Variants in GAB1 observed in about 807,000 individuals in gnomAD.
GAB1 encodes the protein GRB2-associated-binding protein 1.
Under a neutral mutation model 66.5 loss-of-function variants are expected in GAB1, and 19 were observed. That is an observed-to-expected ratio of 0.29 (90% CI 0.20 to 0.42). GAB1 has a LOEUF of 0.42. GAB1 is among the 10% of genes least tolerant of loss of function. The pLI, the probability that GAB1 is intolerant of heterozygous loss-of-function variation, is 1.00. For synonymous variants in GAB1, 294 were observed against 301.4 expected (o/e 0.98, Z 0.25); for missense variants, 732 against 858.5 (o/e 0.85, Z 1.84).
chr4:143,419,998 G>A lies in GAB1; in HGVS notation c.367+4227G>A, dbSNP rs182836072. Among the ~76,000 whole-genome samples, 10 of 152,208 alleles carry A rather than the reference G, an allele frequency of 6.6e-5. No homozygotes were observed. The East Asian group carries it at 1.7e-3, about 26-fold the overall frequency. On this transcript the variant is annotated intron_variant, in intron 2 of 9. Transcript: ENST00000262994. ...TAGCAGAATACTGCTATTATCCTTTGTAATCATATTCATACAGTTTAATAT... is the reference window on the plus strand; with the variant it reads ...TAGCAGAATACTGCTATTATCCTTTATAATCATATTCATACAGTTTAATAT...
At chr4:143,425,058 A>G in intron 2 of GAB1, 1 of 876,276 alleles carries the variant, frequency 1.1e-6, no homozygotes, top group Non-Finnish European at 1.9e-6. Context: ...CACAATGTCC[A>G]GAGCCCTTGA....
chr4:143,418,814 G>C (rs929866378), intron 2 of GAB1, among the ~76,000 whole-genome samples: 2 of 152,140 alleles, frequency 1.3e-5, no homozygotes, highest in African/African-American at 4.8e-5. Context: ...GTAGGGTTGA[G>C]AACCCAAAAT....
In GAB1 at chr4:143,438,229, C is replaced by T. The variant is rs758018493; in HGVS notation, c.824C>T (p.Pro275Leu). 1 of 1,614,088 alleles carries T rather than the reference C, an allele frequency of 6.2e-7. No individual in the cohort carries two copies. Among genetic ancestry groups the T allele is most frequent in the Non-Finnish European group, 8.5e-7 (1 of 1,180,026 alleles). ...CATGATGTTTTACCAAAGGTGTCTC[C>T]ATCAAGTACTGAAGCAGATGGAGAA... ...YSHDVLPKVS[P>L]SSTEADGELY... The change falls in exon 4 of 10, where the codon CCA becomes CTA. Residue 275 changes from proline to leucine, a missense_variant. Around this residue, in one of 4 missense-constraint regions of GAB1, gnomAD observed 427 missense variants for 420.6 expected, o/e 1.02. Coordinates refer to ENST00000262994, the MANE Select transcript of GAB1 (RefSeq NM_002039.4).
At chr4:143,388,319 A>G (rs1437678445) in intron 1 of GAB1, among the ~76,000 whole-genome samples, 2 of 152,142 alleles carry the variant, frequency 1.3e-5, no homozygotes, top group Non-Finnish European at 2.9e-5. Flanking sequence ...CAGTGTTGCA[A>G]TGATGGTGTC....
rs28989219 is a variant in GAB1, at chr4:143,365,591, T to C, written c.72+28331T>C. Among the ~76,000 whole-genome samples the C allele has an allele frequency of 9.1e-3, 1,387 of 152,308 alleles. 21 individuals carry two copies. The highest frequency in any genetic ancestry group is 0.032 in the African/African-American group (1,326 of 41,556). The stretch of plus-strand genomic sequence containing the variant: ...TTTTTCACCTGTGTATCCCCCAATC[T>C]CTGATCTTGAAGGGGCCTGCCTCCT... On this transcript the variant is annotated intron_variant, in intron 1 of 9. Transcript: ENST00000262994.
At chr4:143,433,099 T>C (rs1733761443) in intron 2 of GAB1, among the ~76,000 whole-genome samples, 1 of 152,178 alleles carries the variant, frequency 6.6e-6, no homozygotes, top group East Asian at 1.9e-4. Flanking sequence ...TGGTAAATAC[T>C]ATGTAATTAA....
chr4:143,400,002 A>G (rs1199169116), intron 1 of GAB1, among the ~76,000 whole-genome samples: 2 of 149,194 alleles, frequency 1.3e-5, no homozygotes, highest in East Asian at 2.0e-4. Context: ...GCAGTGGCGC[A>G]ATCTTGGCTC....
intron 6 of GAB1, among the ~76,000 whole-genome samples, chr4:143,442,067 A>G (rs1734275923): frequency 6.6e-6 from 1 of 152,162 alleles, no homozygotes; most frequent in Admixed American, 6.5e-5. Flanking sequence ...CTCTAAATCT[A>G]TTTTAGACAA....
rs554573401 is a variant in GAB1 at position 143,388,439 on chromosome 4, G to A, written c.73-27038G>A. Among the ~76,000 whole-genome samples the A allele has an allele frequency of 1.2e-4, 19 of 152,310 alleles. No individual in the cohort carries two copies. The South Asian group carries it at 1.9e-3, about 15-fold the overall frequency. On this transcript the variant is annotated intron_variant, in intron 1 of 9. Coordinates refer to ENST00000262994, the MANE Select transcript of GAB1 (RefSeq NM_002039.4). Reference sequence around the variant, plus strand: ...GAGGTTTTTTTGTGTGTGCGAGACAGAGTCTCGCTCTGTCGCCCAGGCTGG... The same window carrying A: ...GAGGTTTTTTTGTGTGTGCGAGACAAAGTCTCGCTCTGTCGCCCAGGCTGG...
At chr4:143,443,886 A>G (rs1224911477) in intron 6 of GAB1, among the ~76,000 whole-genome samples, 1 of 152,186 alleles carries the variant, frequency 6.6e-6, no homozygotes, top group African/African-American at 2.4e-5. Flanking sequence ...AAATACATAG[A>G]TGTTCTGAAC....
chr4:143,437,748 G>A (rs1400350987), intron 3 of GAB1, among the ~76,000 whole-genome samples: 1 of 152,138 alleles, frequency 6.6e-6, no homozygotes, highest in African/African-American at 2.4e-5. Context: ...TTTAATAGGT[G>A]GAGTTGGGGG....
At chr4:143,417,839 A>T (rs954074121) in intron 2 of GAB1, among the ~76,000 whole-genome samples, 2 of 152,228 alleles carry the variant, frequency 1.3e-5, no homozygotes, top group Non-Finnish European at 2.9e-5. Context: ...AATAAAGGTG[A>T]ACTGTGGTCT....
chr4:143,467,876 A>C (rs1735873831), intron 9 of GAB1, among the ~76,000 whole-genome samples: 1 of 152,150 alleles, frequency 6.6e-6, no homozygotes. Flanking sequence ...TTAGAAGCTC[A>C]CCACTCCCTC....
chr4:143,387,539 G>A, intron 1 of GAB1, among the ~76,000 whole-genome samples: 1 of 152,222 alleles, frequency 6.6e-6, no homozygotes, highest in East Asian at 1.9e-4. Flanking sequence ...ACTGACGTGA[G>A]CTTCCATCTT....
chr4:143,337,070 G>A lies in GAB1; in HGVS notation c.-119G>A. On this transcript the variant is annotated 5_prime_UTR_variant, in exon 1 of 10. Coordinates refer to ENST00000262994, the MANE Select transcript of GAB1 (RefSeq NM_002039.4). ...TGGAGTCTGTCCGCCCAGTCCGTCC[G>A]GGGTGCGCGACCAGGAGAGCTAGGT... 2.4e-6 allele frequency: 2 copies of A among 823,184 alleles called. No individual in the cohort carries two copies. The highest frequency in any genetic ancestry group is 3.8e-6 in the Non-Finnish European group (2 of 522,442). The allele number at this position is 823,184 out of a possible 1,614,324, so 51.0% of individuals were successfully genotyped here. A position where few individuals can be genotyped will look rare whatever the true frequency, so the allele number is the denominator to read the frequency against.
At chr4:143,389,804 T>C (rs1349747408) in intron 1 of GAB1, among the ~76,000 whole-genome samples, 1 of 152,228 alleles carries the variant, frequency 6.6e-6, no homozygotes, top group Non-Finnish European at 1.5e-5. Flanking sequence ...AAGAGCTTTT[T>C]GGAAGATGAA....
chr4:143,470,922 A>G lies in GAB1; in HGVS notation c.*1733A>G, dbSNP rs1276983644. The G allele has an allele frequency of 6.6e-6, 1 of 152,234 alleles. No homozygotes were observed. The highest frequency in any genetic ancestry group is 1.5e-5 in the Non-Finnish European group (1 of 68,042). The allele number at this position is 152,234 out of a possible 1,614,324, so 9.4% of individuals were successfully genotyped here. On this transcript the variant is annotated 3_prime_UTR_variant, in exon 10 of 10. Transcript: ENST00000262994. ...AATATTTGCTTCTTTTTAAACAAAA[A>G]CTAAAACCCAGAAGTGAATTTTTAG...
intron 1 of GAB1, among the ~76,000 whole-genome samples, chr4:143,396,372 A>G (rs1731456059): frequency 1.3e-5 from 2 of 152,210 alleles, no homozygotes; most frequent in Non-Finnish European, 1.5e-5. Context: ...GAAAATGTAA[A>G]CTATAGATAC....
intron 6 of GAB1, among the ~76,000 whole-genome samples, chr4:143,443,751 T>G (rs139559771): frequency 6.6e-6 from 1 of 152,320 alleles, no homozygotes; most frequent in Admixed American, 6.5e-5. Context: ...GAGATTGTCT[T>G]TGGAAGGATC....
Sources: allele counts gnomAD v4.1 joint callset (sites outside exome capture counted in the v4.1 genomes callset), GRCh38; gene constraint gnomAD v4.1.1; regional missense constraint gnomAD v4.1.1; transcripts MANE v1.5; gene names NCBI Gene and HGNC (gene_info 2026-07-23, HGNC 2026-07-21).